The following UGT1A10 variants were observed in gnomAD, a reference collection of about 807,000 sequenced individuals.
The protein encoded by UGT1A10 is UDP-glucuronosyltransferase 1A10.
A neutral mutation model predicts 45.8 loss-of-function variants in UGT1A10; 49 were observed. The observed-to-expected ratio is 1.07, with a 90% confidence interval of 0.85 to 1.36. The LOEUF is 1.36. UGT1A10 is among the 40% of genes most tolerant of loss of function. UGT1A10 has a pLI of 0.00. For missense variants in UGT1A10, 745 were observed against 668.6 expected, an observed-to-expected ratio of 1.11 and a Z score of -1.26; for synonymous variants, 284 against 249.7, an observed-to-expected ratio of 1.14 and a Z score of -1.29.
In UGT1A10 at chr2:233,748,102, A is replaced by G. The variant is rs1693867397; in HGVS notation, c.856-18932A>G. On this transcript the variant is annotated intron_variant, in intron 1 of 4. Coordinates refer to ENST00000344644, the MANE Select transcript of UGT1A10 (RefSeq NM_019075.4). Reference sequence around the variant, plus strand: ...CAGGTCGGTGTTCGTGCCTTCATCCAATCAATGTTCCAGGCAAAACAGTTT... The same window carrying G: ...CAGGTCGGTGTTCGTGCCTTCATCCGATCAATGTTCCAGGCAAAACAGTTT... The G allele has an allele frequency of 3.7e-6, 6 of 1,612,660 alleles. No homozygotes were observed. The Admixed American group carries it at 5.0e-5, about 13-fold the overall frequency.
rs10203266 is a variant in UGT1A10 at position 233,687,722 on chromosome 2, G to T, written c.855+50345G>T. 7.2e-5 allele frequency among the ~76,000 whole-genome samples: 11 copies of T among 151,776 alleles called. No homozygotes were observed. The South Asian group carries it at 2.1e-3, about 29-fold the overall frequency. ...GTTTGAGACCAGCCTGGACAACATA[G>T]GGAGACACTGTCTCTACAAAAAATG... On this transcript the variant is annotated intron_variant, in intron 1 of 4. Coordinates refer to ENST00000344644, the MANE Select transcript of UGT1A10 (RefSeq NM_019075.4).
At chr2:233,671,467 T>C (rs1302653798) in intron 1 of UGT1A10, among the ~76,000 whole-genome samples, 2 of 152,208 alleles carry the variant, frequency 1.3e-5, no homozygotes, top group Non-Finnish European at 2.9e-5. Flanking sequence ...AGGTCAGTGC[T>C]AAGGGCCTTG....
At chr2:233,683,174 TA>T (rs767709977) in intron 1 of UGT1A10, among the ~76,000 whole-genome samples, 1 of 152,202 alleles carries the variant, frequency 6.6e-6, no homozygotes, top group Non-Finnish European at 1.5e-5. Context: ...TTATACTATG[TA>T]TATGCATATA....
chr2:233,648,391 C>G (rs2073656338), intron 1 of UGT1A10: 2 of 313,012 alleles, frequency 6.4e-6, no homozygotes, highest in Non-Finnish European at 6.2e-6. Context: ...CCCTGCTTCT[C>G]TTTCCTACAG....
chr2:233,672,335 T>C (rs1414612580), intron 1 of UGT1A10: 2 of 1,614,170 alleles, frequency 1.2e-6, no homozygotes, highest in Admixed American at 3.3e-5. Context: ...AAAAAATTAG[T>C]AGAATACTTA....
At chr2:233,644,736 G>T (rs561096996) in intron 1 of UGT1A10, among the ~76,000 whole-genome samples, 9 of 152,154 alleles carry the variant, frequency 5.9e-5, no homozygotes, top group Non-Finnish European at 1.2e-4. Context: ...CGCCACTGTG[G>T]GTTCAGGGGG....
chr2:233,749,865 C>A (rs113837567), intron 1 of UGT1A10, among the ~76,000 whole-genome samples: 3 of 152,004 alleles, frequency 2.0e-5, no homozygotes, highest in African/African-American at 7.3e-5. Context: ...CACTTTCTGC[C>A]AGGATTATAA....
chr2:233,668,309 G>A (rs1010805757), intron 1 of UGT1A10, among the ~76,000 whole-genome samples: 1 of 152,016 alleles, frequency 6.6e-6, no homozygotes, highest in Non-Finnish European at 1.5e-5. Flanking sequence ...TGCAATGTTT[G>A]GTTTTCCGTC....
intron 1 of UGT1A10, chr2:233,721,974 C>G (rs1194611590): frequency 3.7e-5 from 10 of 270,972 alleles, no homozygotes; most frequent in Non-Finnish European, 7.4e-5. Context: ...CATTGATGGC[C>G]TGGGTAGTTT....
rs762067674 is a variant in UGT1A10 at position 233,713,351 on chromosome 2, G to A, written c.856-53683G>A. 1.7e-5 allele frequency: 27 copies of A among 1,614,060 alleles called. No homozygotes were observed. Among genetic ancestry groups the A allele is most frequent in the Admixed American group, 5.0e-5 (3 of 60,000 alleles). On this transcript the variant is annotated intron_variant, in intron 1 of 4. Transcript: ENST00000344644. ...GAAGAATGGCAATTATGAACAATATGTCTTTGATCATACATAGGTCTTGTG... is the reference window on the plus strand; with the variant it reads ...GAAGAATGGCAATTATGAACAATATATCTTTGATCATACATAGGTCTTGTG...
Position 233,637,187 on chromosome 2 carries a change from ATC to A in UGT1A10, c.667_668del (p.Leu223PhefsTer2). The A allele has an allele frequency of 1.2e-6, 2 of 1,613,984 alleles. No homozygotes were observed. Among genetic ancestry groups the A allele is most frequent in the South Asian group, 2.2e-5 (2 of 91,076 alleles). Reference sequence around the variant, plus strand: ...TTGGAGGACCATTTATTTTGCCAGTATCTTTTTAGAAATGCCCTAGAAATAGC... The same window carrying A: ...TTGGAGGACCATTTATTTTGCCAGTATTTTTAGAAATGCCCTAGAAATAGC... On this transcript the variant is annotated frameshift_variant, in exon 1 of 5. Coordinates refer to ENST00000344644, the MANE Select transcript of UGT1A10 (RefSeq NM_019075.4). LOFTEE classifies it high-confidence loss of function.
intron 1 of UGT1A10, among the ~76,000 whole-genome samples, chr2:233,758,886 A>G (rs1359605259): frequency 6.6e-6 from 1 of 152,236 alleles, no homozygotes; most frequent in African/African-American, 2.4e-5. Context: ...TCCATGGTCA[A>G]TAAATACAAA....
At chr2:233,712,927 GA>G in intron 1 of UGT1A10, 25 of 1,612,018 alleles carry the variant, frequency 1.6e-5, no homozygotes, top group Non-Finnish European at 2.0e-5. Flanking sequence ...TAATTAAGAC[GA>G]AGGAAACAAT....
intron 1 of UGT1A10, chr2:233,753,221 C>G (rs1559397626): frequency 6.6e-6 from 1 of 152,156 alleles, no homozygotes; most frequent in East Asian, 1.9e-4. Context: ...TATTTTGATA[C>G]TTCTTGTATA....
chr2:233,700,253 C>T (rs2125582223), intron 1 of UGT1A10, among the ~76,000 whole-genome samples: 1 of 152,296 alleles, frequency 6.6e-6, no homozygotes, highest in South Asian at 2.1e-4. Context: ...CCCAAAATGC[C>T]AAGTCATTCT....
chr2:233,724,253 C>T (rs2077196300), intron 1 of UGT1A10, among the ~76,000 whole-genome samples: 1 of 128,614 alleles, frequency 7.8e-6, no homozygotes, highest in Non-Finnish European at 1.7e-5. Flanking sequence ...AGGCGCCCCT[C>T]ACCTCCCGGA....
chr2:233,659,912 G>T (rs541684583), intron 1 of UGT1A10, among the ~76,000 whole-genome samples: 1 of 152,158 alleles, frequency 6.6e-6, no homozygotes. Flanking sequence ...TCATTGTCTG[G>T]TACTGATTCA....
intron 1 of UGT1A10, chr2:233,690,422 G>C (rs1387802113): frequency 7.3e-6 from 9 of 1,238,038 alleles, no homozygotes; most frequent in Non-Finnish European, 2.1e-6. Flanking sequence ...TTACCTTCAT[G>C]CACATCTTTG....
intron 1 of UGT1A10, among the ~76,000 whole-genome samples, chr2:233,726,404 T>C (rs1458945930): frequency 6.6e-6 from 1 of 152,210 alleles, no homozygotes; most frequent in Non-Finnish European, 1.5e-5. Flanking sequence ...TCTTTTGATG[T>C]CAGCATTCTG....
Sources: allele counts gnomAD v4.1 joint callset (sites outside exome capture counted in the v4.1 genomes callset), GRCh38; gene constraint gnomAD v4.1.1; transcripts MANE v1.5; gene names NCBI Gene and HGNC (gene_info 2026-07-23, HGNC 2026-07-21).